Variants in PHF20L1 observed in about 807,000 individuals in gnomAD.
The protein encoded by PHF20L1 is PHD finger protein 20-like protein 1.
PHF20L1 carries 44 observed loss-of-function variants against 125.5 expected under a neutral mutation model. That is an observed-to-expected ratio of 0.35 (90% CI 0.28 to 0.45). PHF20L1 has a LOEUF of 0.45. PHF20L1 is among the 20% of genes least tolerant of loss of function. The pLI is 1.00. For synonymous variants in PHF20L1, 380 were observed against 403.1 expected (o/e 0.94, Z 0.69); for missense variants, 1,012 against 1,217.2 (o/e 0.83, Z 2.51).
chr8:132,808,281 T>A (rs1431510931), intron 8 of PHF20L1: 1 of 152,248 alleles, frequency 6.6e-6, no homozygotes, highest in Non-Finnish European at 1.5e-5. Flanking sequence ...ATGCTTTATT[T>A]TTCCTTCTCA....
At chr8:132,841,881 T>C (rs1837970490) in intron 18 of PHF20L1, 1 of 152,158 alleles carries the variant, frequency 6.6e-6, no homozygotes, top group Non-Finnish European at 1.5e-5. Flanking sequence ...TTGGCTCGAC[T>C]GGTACATTTG....
Position 132,784,804 on chromosome 8 carries a change from C to T in PHF20L1, c.83+6893C>T, listed in dbSNP as rs948935639. Among the ~76,000 whole-genome samples the T allele has an allele frequency of 9.2e-5, 14 of 152,258 alleles. No homozygotes were observed. In the East Asian group the frequency reaches 1.5e-3, roughly 17 times the overall value. On this transcript the variant is annotated intron_variant, in intron 2 of 20. Coordinates refer to ENST00000395386, the MANE Select transcript of PHF20L1 (RefSeq NM_016018.5). ...GTTAACTAAATGGGCTCAGTGTTCACGGGCCACCGTAGTTTCTGACCAATT... is the reference window on the plus strand; with the variant it reads ...GTTAACTAAATGGGCTCAGTGTTCATGGGCCACCGTAGTTTCTGACCAATT...
chr8:132,817,155 A>T, intron 11 of PHF20L1, 79 bp downstream of exon 11: 1 of 984,668 alleles, frequency 1.0e-6, no homozygotes, highest in Non-Finnish European at 1.5e-6. Context: ...TTATTAAAAT[A>T]TTAAGATATT....
chr8:132,796,947 A>G (rs916702794), intron 4 of PHF20L1, among the ~76,000 whole-genome samples: 1 of 152,112 alleles, frequency 6.6e-6, no homozygotes. Flanking sequence ...TTACATGCTT[A>G]AAGTTCCCTG....
intron 1 of PHF20L1, among the ~76,000 whole-genome samples, chr8:132,776,498 C>T (rs951456654): frequency 2.0e-5 from 3 of 152,188 alleles, no homozygotes; most frequent in Admixed American, 6.5e-5. Flanking sequence ...CCTGGGCAAG[C>T]TCCCTGTTAA....
chr8:132,799,326 G>A lies in PHF20L1; in HGVS notation c.507+154G>A, dbSNP rs1416150584. 14 of 537,928 alleles carry A rather than the reference G, an allele frequency of 2.6e-5. 1 individual carries two copies. The highest frequency in any genetic ancestry group is 1.8e-4 in the South Asian group (7 of 38,310). 33.3% of individuals were successfully genotyped at this position (537,928 alleles called of 1,614,324 possible). A position where few individuals can be genotyped will look rare whatever the true frequency, so the allele number is the denominator to read the frequency against. Reference sequence around the variant, plus strand: ...AGTCATTCATCTTCCTTTAAAAGGCGCTTACCTGACACTCTGTAGGCTGTT... The same window carrying A: ...AGTCATTCATCTTCCTTTAAAAGGCACTTACCTGACACTCTGTAGGCTGTT... On this transcript the variant is annotated intron_variant, in intron 6 of 20. Coordinates refer to ENST00000395386, the MANE Select transcript of PHF20L1 (RefSeq NM_016018.5).
chr8:132,792,542 C>T (rs550610693), intron 2 of PHF20L1, among the ~76,000 whole-genome samples: 3 of 152,176 alleles, frequency 2.0e-5, no homozygotes, highest in Non-Finnish European at 4.4e-5. Context: ...GGTCAACTGC[C>T]TTCTTAGTTC....
chr8:132,811,785 A>C (rs1368753987), intron 9 of PHF20L1: 17 of 984,084 alleles, frequency 1.7e-5, no homozygotes, highest in Non-Finnish European at 1.8e-5. Flanking sequence ...CTTCTTAGGC[A>C]CTGTAAGACT....
At chr8:132,800,673 A>G (rs760283969) in intron 6 of PHF20L1, among the ~76,000 whole-genome samples, 4 of 151,768 alleles carry the variant, frequency 2.6e-5, no homozygotes, top group Non-Finnish European at 5.9e-5. Context: ...ACACTTTTGT[A>G]TATGCAAACC....
chr8:132,831,424 C>T (rs1000623298), intron 14 of PHF20L1, among the ~76,000 whole-genome samples: 1 of 151,960 alleles, frequency 6.6e-6, no homozygotes, highest in Non-Finnish European at 1.5e-5. Context: ...TATGGCCTCT[C>T]CCCTTGCACA....
intron 2 of PHF20L1, among the ~76,000 whole-genome samples, chr8:132,782,218 A>G (rs1430808219): frequency 6.6e-6 from 1 of 152,168 alleles, no homozygotes; most frequent in Admixed American, 6.5e-5. Context: ...TTGAAGTTAT[A>G]TTGGAGACAC....
Position 132,846,072 on chromosome 8 carries a change from A to T in PHF20L1, c.*149A>T. The T allele has an allele frequency of 1.8e-6, 1 of 563,800 alleles. No individual in the cohort carries two copies. Among genetic ancestry groups the T allele is most frequent in the Non-Finnish European group, 3.1e-6 (1 of 326,120 alleles). 34.9% of individuals were successfully genotyped at this position (563,800 alleles called of 1,614,324 possible). On this transcript the variant is annotated 3_prime_UTR_variant, in exon 21 of 21. Transcript: ENST00000395386. ...GTCAATAGGATGGCACCTTGGAAAG[A>T]AAAATGAAGAACAACTTTATCAAGG...
chr8:132,836,787 G>A (rs1388926888), intron 16 of PHF20L1, 66 bp downstream of exon 16: 7 of 1,175,198 alleles, frequency 6.0e-6, no homozygotes, highest in South Asian at 2.7e-5. Flanking sequence ...AATGCATCAC[G>A]GTGTTTTATT....
At chr8:132,835,001 T>G (rs1837185141) in intron 15 of PHF20L1, among the ~76,000 whole-genome samples, 1 of 152,096 alleles carries the variant, frequency 6.6e-6, no homozygotes, top group Non-Finnish European at 1.5e-5. Flanking sequence ...TAGAAGCTGA[T>G]AGAGGAAACA....
chr8:132,796,293 A>G (rs1832382824), intron 4 of PHF20L1, among the ~76,000 whole-genome samples: 2 of 152,068 alleles, frequency 1.3e-5, no homozygotes, highest in South Asian at 4.1e-4. Context: ...GGTTGGAGAG[A>G]AAGGCAAAGA....
chr8:132,840,596 T>C lies in PHF20L1; in HGVS notation c.2387+1014T>C, dbSNP rs1837832317. Among the ~76,000 whole-genome samples, 3 of 152,266 alleles carry C rather than the reference T, an allele frequency of 2.0e-5. No homozygotes were observed. The South Asian group carries it at 6.2e-4, about 32-fold the overall frequency. ...CTGTCTACCATTTTTTGTTGCCACA[T>C]AATCCCTGTGCTTTTTCCCCCAAAC... is the stretch of plus-strand genomic sequence containing the variant. On this transcript the variant is annotated intron_variant, in intron 18 of 20. Transcript: ENST00000395386.
chr8:132,839,911 T>C (rs1837758494), intron 18 of PHF20L1, among the ~76,000 whole-genome samples: 1 of 152,122 alleles, frequency 6.6e-6, no homozygotes, highest in Non-Finnish European at 1.5e-5. Context: ...CGTTGTGTCC[T>C]CCTTCAGGAA....
At position 132,804,654 on chromosome 8, in the gene PHF20L1, A is replaced by G. The variant is rs149649549; in HGVS notation, c.761A>G (p.Gln254Arg). Residue 254 changes from glutamine to arginine, a missense_variant, in exon 8 of 21, where the codon CAG (glutamine) becomes CGG (arginine). Gln to Arg is a conservative substitution (Grantham distance 43, BLOSUM62 1). Coordinates refer to ENST00000395386, the MANE Select transcript of PHF20L1 (RefSeq NM_016018.5). ...VENVPKMVFP[Q>R]PESTLSNKRK... ...AACGTTCCAAAGATGGTCTTTCCACAGCCAGAGAGCACATTATCAAACAAG... is the reference window on the plus strand; with the variant it reads ...AACGTTCCAAAGATGGTCTTTCCACGGCCAGAGAGCACATTATCAAACAAG... 5.0e-6 allele frequency: 8 copies of G among 1,608,624 alleles called. No individual in the cohort carries two copies. In the African/African-American group the frequency reaches 9.4e-5, roughly 19 times the overall value.
At chr8:132,789,449 C>T (rs1214493538) in intron 2 of PHF20L1, among the ~76,000 whole-genome samples, 4 of 152,048 alleles carry the variant, frequency 2.6e-5, no homozygotes, top group Admixed American at 1.3e-4. Flanking sequence ...GGGTCCCACA[C>T]GAATTCAGAA....
Sources: gnomAD v4.1 joint callset for allele counts (sites outside exome capture counted in the v4.1 genomes callset) on GRCh38, gnomAD v4.1.1 for gene constraint, MANE v1.5 for transcripts, NCBI Gene and HGNC (gene_info 2026-07-23, HGNC 2026-07-21) for gene names.